Variants in GNA12 observed in about 807,000 individuals in gnomAD.
GNA12 encodes guanine nucleotide-binding protein subunit alpha-12.
In GNA12, 9 loss-of-function variants were observed where a neutral mutation model predicts 26.0. That is an observed-to-expected ratio of 0.35 (90% CI 0.21 to 0.60). The LOEUF is 0.60. Among genes scored for constraint, GNA12 ranks in the 20% least tolerant of loss-of-function variants. GNA12 has a pLI of 0.78. For missense variants in GNA12, 405 were observed against 525.8 expected, an observed-to-expected ratio of 0.77 and a Z score of 2.25; for synonymous variants, 264 against 219.6, an observed-to-expected ratio of 1.20 and a Z score of -1.79.
At chr7:2,837,431 T>G (rs954742271) in intron 1 of GNA12, among the ~76,000 whole-genome samples, 4 of 152,108 alleles carry the variant, frequency 2.6e-5, no homozygotes, top group African/African-American at 9.7e-5. Flanking sequence ...ATTCAAGAAA[T>G]AATGGCTGAA....
At chr7:2,782,916 A>T (rs1412593747) in intron 2 of GNA12, among the ~76,000 whole-genome samples, 1 of 152,192 alleles carries the variant, frequency 6.6e-6, no homozygotes, top group Admixed American at 6.5e-5. Flanking sequence ...TGCCTAACAT[A>T]GCCATTGAGT....
chr7:2,741,549 C>T (rs552032055), intron 2 of GNA12, among the ~76,000 whole-genome samples: 27 of 152,196 alleles, frequency 1.8e-4, no homozygotes, highest in African/African-American at 6.0e-4. Flanking sequence ...TAGCCAGAAC[C>T]CAAATTCCAA....
intron 1 of GNA12, among the ~76,000 whole-genome samples, chr7:2,807,207 AG>A (rs1442798927): frequency 1.3e-5 from 2 of 152,228 alleles, no homozygotes; most frequent in East Asian, 3.8e-4. Context: ...ACTGAAAATT[AG>A]AAAAAATGGA....
intron 1 of GNA12, among the ~76,000 whole-genome samples, chr7:2,824,777 C>A (rs1421586887): frequency 6.6e-6 from 1 of 152,134 alleles, no homozygotes; most frequent in Non-Finnish European, 1.5e-5. Context: ...CAAATCAAAC[C>A]GCAATAAAAA....
intron 1 of GNA12, among the ~76,000 whole-genome samples, chr7:2,802,810 C>T (rs1792844399): frequency 6.6e-6 from 1 of 152,152 alleles, no homozygotes; most frequent in Non-Finnish European, 1.5e-5. Context: ...AAAGACAGCG[C>T]CTCTTAGTTC....
intron 2 of GNA12, among the ~76,000 whole-genome samples, chr7:2,781,958 T>C (rs929666283): frequency 1.3e-5 from 2 of 152,206 alleles, no homozygotes; most frequent in Non-Finnish European, 2.9e-5. Context: ...GGCATAAGCA[T>C]AGATGTATAG....
chr7:2,824,477 C>A (rs571411391), intron 1 of GNA12, among the ~76,000 whole-genome samples: 198 of 152,264 alleles, frequency 1.3e-3, no homozygotes, highest in African/African-American at 4.4e-3. Context: ...GACATGGACA[C>A]GCTCTCGCCC....
intron 2 of GNA12, among the ~76,000 whole-genome samples, chr7:2,745,797 T>G (rs541957872): frequency 6.6e-6 from 1 of 152,086 alleles, no homozygotes; most frequent in Non-Finnish European, 1.5e-5. Context: ...GAGACACACA[T>G]AGGCTCAAAA....
intron 1 of GNA12, among the ~76,000 whole-genome samples, chr7:2,820,056 T>C (rs1328756354): frequency 6.6e-6 from 1 of 152,184 alleles, no homozygotes; most frequent in African/African-American, 2.4e-5. Flanking sequence ...GGGATGACGA[T>C]GCCACGCTAC....
chr7:2,760,855 C>G (rs931285957), intron 2 of GNA12, among the ~76,000 whole-genome samples: 2 of 152,186 alleles, frequency 1.3e-5, no homozygotes, highest in Non-Finnish European at 2.9e-5. Flanking sequence ...GCTGGTGACA[C>G]GAGGAACAGA....
At chr7:2,743,041 G>A (rs983229462) in intron 2 of GNA12, among the ~76,000 whole-genome samples, 4 of 152,192 alleles carry the variant, frequency 2.6e-5, no homozygotes, top group African/African-American at 7.2e-5. Flanking sequence ...TTTTGGCCAG[G>A]AGAACAAGAG....
intron 1 of GNA12, among the ~76,000 whole-genome samples, chr7:2,798,233 C>T (rs1438514006): frequency 6.6e-6 from 1 of 152,108 alleles, no homozygotes. Flanking sequence ...AAAAAGAAAA[C>T]ACACAACTAA....
At chr7:2,774,966 T>G (rs995918951) in intron 2 of GNA12, among the ~76,000 whole-genome samples, 1 of 152,196 alleles carries the variant, frequency 6.6e-6, no homozygotes, top group Non-Finnish European at 1.5e-5. Context: ...TTGCACAATT[T>G]AATTTACCGA....
intron 2 of GNA12, among the ~76,000 whole-genome samples, chr7:2,786,147 C>T (rs1026082372): frequency 5.3e-5 from 8 of 152,164 alleles, no homozygotes; most frequent in African/African-American, 1.9e-4. Flanking sequence ...TGGTGTTACA[C>T]ATGTAATACA....
intron 2 of GNA12, among the ~76,000 whole-genome samples, chr7:2,734,927 C>A (rs1790086234): frequency 6.6e-6 from 1 of 152,188 alleles, no homozygotes; most frequent in African/African-American, 2.4e-5. Context: ...AAGGGCCCGG[C>A]ACGACTGACC....
intron 2 of GNA12, among the ~76,000 whole-genome samples, chr7:2,742,322 G>A (rs1319470537): frequency 6.6e-6 from 1 of 152,096 alleles, no homozygotes; most frequent in Non-Finnish European, 1.5e-5. Context: ...AGCCTACACT[G>A]AGATTTTTGA....
At chr7:2,817,301 TCAC>T (rs1455174162) in intron 1 of GNA12, among the ~76,000 whole-genome samples, 2 of 152,208 alleles carry the variant, frequency 1.3e-5, no homozygotes, top group Non-Finnish European at 2.9e-5. Flanking sequence ...AAACGGGGTT[TCAC>T]CACATTGGCC....
At chr7:2,815,336 A>AG (rs992385432) in intron 1 of GNA12, 1 of 196,830 alleles carries the variant, frequency 5.1e-6, no homozygotes, top group African/African-American at 2.4e-5. Flanking sequence ...CAGCAGGGGC[A>AG]GGAGGAGCTT....
intron 2 of GNA12, among the ~76,000 whole-genome samples, chr7:2,736,107 C>G (rs1001177309): frequency 6.6e-6 from 1 of 152,218 alleles, no homozygotes; most frequent in Non-Finnish European, 1.5e-5. Flanking sequence ...GCCAGGTTTA[C>G]AATCCCATGC....
Sources: allele counts gnomAD v4.1 joint callset (sites outside exome capture counted in the v4.1 genomes callset), GRCh38; gene constraint gnomAD v4.1.1; transcripts MANE v1.5; gene names NCBI Gene and HGNC (gene_info 2026-07-23, HGNC 2026-07-21).